The following CSMD1 variants were observed in gnomAD, a reference collection of about 807,000 sequenced individuals.
The protein encoded by CSMD1 is CUB and sushi domain-containing protein 1.
In CSMD1, 213 loss-of-function variants were observed where a neutral mutation model predicts 417.5. The ratio of observed to expected loss-of-function variants is 0.51; its 90% confidence interval spans 0.46 to 0.57. The LOEUF (loss-of-function observed/expected upper bound fraction) is 0.57. CSMD1 is among the 20% of genes least tolerant of loss of function. The pLI, the probability that CSMD1 is intolerant of heterozygous loss-of-function variation, is 0.00. For missense variants in CSMD1, 6,923 were observed against 4,529.7 expected, an observed-to-expected ratio of 1.53 and a Z score of -15.17; for synonymous variants, 2,862 against 1,736.8, an observed-to-expected ratio of 1.65 and a Z score of -16.11.
At chr8:4,668,283 G>A (rs577404031) in intron 1 of CSMD1, among the ~76,000 whole-genome samples, 156 of 151,988 alleles carry the variant, frequency 1.0e-3, no homozygotes, top group African/African-American at 3.6e-3. Context: ...ACGTTTGTAG[G>A]CTTTTCCATT....
intron 1 of CSMD1, among the ~76,000 whole-genome samples, chr8:4,705,474 G>C (rs1807873202): frequency 6.6e-6 from 1 of 152,124 alleles, no homozygotes; most frequent in Non-Finnish European, 1.5e-5. Flanking sequence ...TCTTCCTGCT[G>C]TGTACAATTG....
intron 12 of CSMD1, among the ~76,000 whole-genome samples, chr8:3,448,277 G>A (rs1376624151): frequency 1.7e-5 from 2 of 120,086 alleles, no homozygotes; most frequent in African/African-American, 6.5e-5. Context: ...GACAAAAGAG[G>A]GACACACATC....
chr8:4,233,438 T>C (rs897357072), intron 3 of CSMD1, among the ~76,000 whole-genome samples: 5 of 152,302 alleles, frequency 3.3e-5, no homozygotes, highest in African/African-American at 4.8e-5. Context: ...CCGAATGTGA[T>C]GGTATTTGGA....
Position 3,586,152 on chromosome 8 carries a change from G to A in CSMD1, c.1206C>T (p.His402=). 2 of 1,612,834 alleles carry A rather than the reference G, an allele frequency of 1.2e-6. No individual in the cohort carries two copies. The highest frequency in any genetic ancestry group is 1.3e-5 in the African/African-American group (1 of 74,990). ...GTGCCTTACCTCGGCAGATGGGCCT[G>A]TGGTCACTCCAAGCAGCGAGCGTCT... ...VTETLAAWSD[H]RPICRARTCG... The change falls in exon 9 of 70, where the codon CAC becomes CAT. Residue 402 remains histidine, a synonymous_variant. Coordinates refer to ENST00000635120, the MANE Select transcript of CSMD1 (RefSeq NM_033225.6).
rs184425672 is a variant in CSMD1 at position 4,879,056 on chromosome 8, G to A, written c.85+115276C>T. On this transcript the variant is annotated intron_variant, in intron 1 of 69. Coordinates refer to ENST00000635120, the MANE Select transcript of CSMD1 (RefSeq NM_033225.6). ...AGAAAAGATTTCAAGGGTTAAGGTA[G>A]TAAGACTTGATATTGTAGACACTAA... is the stretch of plus-strand genomic sequence containing the variant. Among the ~76,000 whole-genome samples, 141 of 152,090 alleles carry A rather than the reference G, an allele frequency of 9.3e-4. 6 individuals carry two copies. Among genetic ancestry groups the A allele is most frequent in the Admixed American group, 6.0e-3 (92 of 15,258 alleles).
intron 3 of CSMD1, among the ~76,000 whole-genome samples, chr8:4,251,691 T>C (rs992185451): frequency 5.3e-5 from 8 of 152,074 alleles, no homozygotes; most frequent in Admixed American, 3.3e-4. Context: ...AGCAAAGACC[T>C]TGGACAGTTA....
At chr8:3,460,484 T>C (rs896357669) in intron 12 of CSMD1, among the ~76,000 whole-genome samples, 2 of 151,980 alleles carry the variant, frequency 1.3e-5, no homozygotes, top group South Asian at 2.1e-4. Context: ...AAAAAGATAA[T>C]TCTGACTGGA....
intron 1 of CSMD1, among the ~76,000 whole-genome samples, chr8:4,647,607 T>C (rs1803619052): frequency 6.7e-6 from 1 of 149,530 alleles, no homozygotes; most frequent in Non-Finnish European, 1.5e-5. Flanking sequence ...GTTGTTCCCC[T>C]CTCTGTATCT....
chr8:3,760,261 T>G (rs1274662047), intron 5 of CSMD1, among the ~76,000 whole-genome samples: 4 of 152,206 alleles, frequency 2.6e-5, no homozygotes, highest in Non-Finnish European at 5.9e-5. Context: ...AGGAACTGGT[T>G]GTTCCCACTT....
intron 1 of CSMD1, among the ~76,000 whole-genome samples, chr8:4,726,137 G>A (rs1262262445): frequency 6.6e-6 from 1 of 152,056 alleles, no homozygotes; most frequent in African/African-American, 2.4e-5. Context: ...TCATCTGGGC[G>A]AGCCATTTGC....
chr8:4,711,956 T>G (rs1808328453), intron 1 of CSMD1, among the ~76,000 whole-genome samples: 1 of 152,172 alleles, frequency 6.6e-6, no homozygotes, highest in Admixed American at 6.5e-5. Flanking sequence ...ACATCTCATT[T>G]GCGGTACAGT....
At chr8:4,645,571 C>A (rs542031118) in intron 1 of CSMD1, among the ~76,000 whole-genome samples, 1 of 151,780 alleles carries the variant, frequency 6.6e-6, no homozygotes, top group African/African-American at 2.4e-5. Context: ...ATATGAGCCC[C>A]AGTTTCCACA....
At chr8:4,567,870 A>T (rs1388091871) in intron 2 of CSMD1, among the ~76,000 whole-genome samples, 1 of 152,218 alleles carries the variant, frequency 6.6e-6, no homozygotes, top group Non-Finnish European at 1.5e-5. Context: ...CATGCTGAGT[A>T]AGAATATTTA....
At chr8:3,463,083 C>T (rs1041152032) in intron 12 of CSMD1, among the ~76,000 whole-genome samples, 2 of 152,212 alleles carry the variant, frequency 1.3e-5, no homozygotes, top group Non-Finnish European at 2.9e-5. Flanking sequence ...TCGTGGACTT[C>T]CCAGAACTGT....
At chr8:4,801,752 T>C (rs11136779) in intron 1 of CSMD1, among the ~76,000 whole-genome samples, 9 of 150,868 alleles carry the variant, frequency 6.0e-5, no homozygotes, top group African/African-American at 2.2e-4. Flanking sequence ...ACACAGAAAC[T>C]TTGTGAGGCA....
chr8:4,931,111 C>T (rs1396481151), intron 1 of CSMD1, among the ~76,000 whole-genome samples: 1 of 152,092 alleles, frequency 6.6e-6, no homozygotes, highest in South Asian at 2.1e-4. Context: ...CTTCATTTTC[C>T]ATTAGCCTGA....
chr8:3,406,405 G>T (rs1390424143), intron 14 of CSMD1, among the ~76,000 whole-genome samples, 184 bp from the exon 15 acceptor site: 1 of 152,168 alleles, frequency 6.6e-6, no homozygotes, highest in African/African-American at 2.4e-5. Context: ...TGTCTAGTGA[G>T]AAAGAGCGAG....
chr8:4,230,519 A>G (rs1381620059), intron 3 of CSMD1, among the ~76,000 whole-genome samples: 2 of 152,146 alleles, frequency 1.3e-5, no homozygotes, highest in Admixed American at 6.5e-5. Context: ...TTTCCCACAT[A>G]CAGAGTTTTT....
chr8:4,063,925 C>A (rs1277237935), intron 3 of CSMD1, among the ~76,000 whole-genome samples: 1 of 152,112 alleles, frequency 6.6e-6, no homozygotes, highest in South Asian at 2.1e-4. Flanking sequence ...GATAAATCAT[C>A]TTTCATCCAG....
Sources: gnomAD v4.1 joint callset for allele counts (sites outside exome capture counted in the v4.1 genomes callset) on GRCh38, gnomAD v4.1.1 for gene constraint, MANE v1.5 for transcripts, NCBI Gene and HGNC (gene_info 2026-07-23, HGNC 2026-07-21) for gene names.